The following SLC25A26 variants were observed in gnomAD, a reference collection of about 807,000 sequenced individuals.
The protein encoded by SLC25A26 is mitochondrial S-adenosylmethionine carrier protein.
In SLC25A26, 36 loss-of-function variants were observed where a neutral mutation model predicts 37.8. That is an observed-to-expected ratio of 0.95 (90% CI 0.73 to 1.26). The LOEUF (loss-of-function observed/expected upper bound fraction) is 1.26. SLC25A26 is among the 50% of genes most tolerant of loss of function. The probability of loss-of-function intolerance (pLI) is 0.00; values close to 1 mark genes in which losing one functional copy is unlikely to be tolerated. For synonymous variants in SLC25A26, 129 were observed against 122.5 expected (o/e 1.05, Z -0.35); for missense variants, 390 against 331.1 (o/e 1.18, Z -1.38).
chr3:66,190,502 C>G (rs1322589372), intron 1 of SLC25A26, among the ~76,000 whole-genome samples: 2 of 152,154 alleles, frequency 1.3e-5, no homozygotes, highest in Non-Finnish European at 2.9e-5. Context: ...AGTCTCGGCT[C>G]ACTACAACCT....
intron 5 of SLC25A26, among the ~76,000 whole-genome samples, chr3:66,294,763 T>A (rs1037372514): frequency 6.6e-6 from 1 of 152,238 alleles, no homozygotes; most frequent in African/African-American, 2.4e-5. Context: ...GTCTACTATG[T>A]AGTAACCTAT....
At chr3:66,309,604 C>T (rs915556005) in intron 5 of SLC25A26, among the ~76,000 whole-genome samples, 15 of 151,966 alleles carry the variant, frequency 9.9e-5, no homozygotes, top group African/African-American at 3.4e-4. Flanking sequence ...GTTAGGGTGT[C>T]GGTTTTAGAT....
intron 3 of SLC25A26, among the ~76,000 whole-genome samples, chr3:66,245,004 CT>C (rs2072762848): frequency 6.6e-6 from 1 of 151,830 alleles, no homozygotes; most frequent in South Asian, 2.1e-4. Context: ...ACAAAAAACT[CT>C]TTTGTAAATA....
At position 66,378,656 on chromosome 3, in the gene SLC25A26, T is replaced by TCAGGAATCTAG. The variant is rs906015198; in HGVS notation, c.*853_*863dup. The TCAGGAATCTAG allele has an allele frequency of 6.6e-6, 1 of 152,376 alleles. No individual in the cohort carries two copies. Among genetic ancestry groups the TCAGGAATCTAG allele is most frequent in the Non-Finnish European group, 1.5e-5 (1 of 68,014 alleles). 9.4% of individuals were successfully genotyped at this position (152,376 alleles called of 1,614,324 possible). A position where few individuals can be genotyped will look rare whatever the true frequency, so the allele number is the denominator to read the frequency against. On this transcript the variant is annotated 3_prime_UTR_variant, in exon 10 of 10. Coordinates refer to ENST00000354883, the MANE Select transcript of SLC25A26 (RefSeq NM_001379210.1). Reference sequence around the variant, plus strand: ...GTGTAGAAAAATTCAAAACAAAATGTCAGGAATCTAGCAGTGTTGTCTGCC... The same window carrying TCAGGAATCTAG: ...GTGTAGAAAAATTCAAAACAAAATGTCAGGAATCTAGCAGGAATCTAGCAGTGTTGTCTGCC...
At chr3:66,305,005 G>C (rs544785459) in intron 5 of SLC25A26, among the ~76,000 whole-genome samples, 1 of 152,256 alleles carries the variant, frequency 6.6e-6, no homozygotes, top group Non-Finnish European at 1.5e-5. Context: ...TCACTTGTTA[G>C]AGTTCTGAGA....
chr3:66,282,836 G>A (rs942659754), intron 5 of SLC25A26, among the ~76,000 whole-genome samples: 12 of 152,088 alleles, frequency 7.9e-5, no homozygotes, highest in African/African-American at 2.7e-4. Flanking sequence ...TCTGCTAGCC[G>A]ATGCATACCC....
intron 6 of SLC25A26, among the ~76,000 whole-genome samples, chr3:66,347,095 A>T (rs1423287995): frequency 6.6e-6 from 1 of 152,172 alleles, no homozygotes; most frequent in East Asian, 1.9e-4. Context: ...ATCAAAAGCA[A>T]TTGCAACAAA....
intron 5 of SLC25A26, among the ~76,000 whole-genome samples, chr3:66,300,251 G>GTTTGTT (rs2075034543): frequency 9.0e-6 from 1 of 111,616 alleles, no homozygotes; most frequent in Non-Finnish European, 1.9e-5. Flanking sequence ...GGGTTTTTTT[G>GTTTGTT]TTTTGTTTTT....
chr3:66,266,528 A>G (rs1490241069), intron 5 of SLC25A26, among the ~76,000 whole-genome samples: 2 of 149,454 alleles, frequency 1.3e-5, no homozygotes, highest in Admixed American at 6.7e-5. Flanking sequence ...GAGTCCATGC[A>G]TTATAAGATA....
At chr3:66,349,455 A>G (rs2107752030) in intron 6 of SLC25A26, among the ~76,000 whole-genome samples, 1 of 151,110 alleles carries the variant, frequency 6.6e-6, no homozygotes, top group Non-Finnish European at 1.5e-5. Context: ...GATACAGGGT[A>G]CTATTATACC....
chr3:66,236,112 G>A (rs1031324077), intron 1 of SLC25A26, among the ~76,000 whole-genome samples: 6 of 150,682 alleles, frequency 4.0e-5, no homozygotes, highest in African/African-American at 1.5e-4. Context: ...ATGTCTCACT[G>A]TGTTGCACAG....
intron 1 of SLC25A26, among the ~76,000 whole-genome samples, chr3:66,188,156 A>T (rs2070866676): frequency 6.6e-6 from 1 of 151,958 alleles, no homozygotes; most frequent in Non-Finnish European, 1.5e-5. Flanking sequence ...TGACCTCACC[A>T]TGTCCTTGAT....
chr3:66,337,049 C>A (rs2076106614), intron 5 of SLC25A26, among the ~76,000 whole-genome samples: 1 of 152,018 alleles, frequency 6.6e-6, no homozygotes, highest in African/African-American at 2.4e-5. Context: ...CTTACAGACT[C>A]CTGGAAATAG....
chr3:66,247,920 A>G (rs2072922046), intron 3 of SLC25A26, among the ~76,000 whole-genome samples: 1 of 152,244 alleles, frequency 6.6e-6, no homozygotes, highest in African/African-American at 2.4e-5. Flanking sequence ...TTTGTAAAAT[A>G]AAAAGAAATA....
intron 1 of SLC25A26, among the ~76,000 whole-genome samples, chr3:66,168,185 G>GTATA (rs375969349): frequency 4.9e-4 from 53 of 109,084 alleles, no homozygotes; most frequent in African/African-American, 1.6e-3. Flanking sequence ...ATGTGTGTGT[G>GTATA]TATATATATA....
At chr3:66,246,223 T>G (rs1170801091) in intron 3 of SLC25A26, among the ~76,000 whole-genome samples, 1 of 152,174 alleles carries the variant, frequency 6.6e-6, no homozygotes, top group Non-Finnish European at 1.5e-5. Flanking sequence ...GTCTGGAGTA[T>G]GTATACTTAC....
intron 9 of SLC25A26, among the ~76,000 whole-genome samples, chr3:66,375,588 G>C (rs1216479403): frequency 6.6e-6 from 1 of 152,160 alleles, no homozygotes; most frequent in Non-Finnish European, 1.5e-5. Context: ...AATCGACTCT[G>C]CCTCTGCTGT....
At chr3:66,142,721 C>T (rs948400680) in intron 1 of SLC25A26, among the ~76,000 whole-genome samples, 12 of 152,106 alleles carry the variant, frequency 7.9e-5, no homozygotes, top group Non-Finnish European at 1.8e-4. Flanking sequence ...TTTAAAAAGT[C>T]TCCCATATCA....
chr3:66,198,068 G>A (rs1412424367), intron 1 of SLC25A26, among the ~76,000 whole-genome samples: 4 of 152,134 alleles, frequency 2.6e-5, no homozygotes, highest in Non-Finnish European at 5.9e-5. Context: ...GTCAAGGTCA[G>A]CCAGCATCAT....
Sources: gnomAD v4.1 joint callset for allele counts (sites outside exome capture counted in the v4.1 genomes callset) on GRCh38, gnomAD v4.1.1 for gene constraint, MANE v1.5 for transcripts, NCBI Gene and HGNC (gene_info 2026-07-23, HGNC 2026-07-21) for gene names.